Variants in NPAS3 observed in about 807,000 individuals in gnomAD.
The protein encoded by NPAS3 is neuronal PAS domain protein 3.
NPAS3 carries 14 observed loss-of-function variants against 73.1 expected under a neutral mutation model. That is an observed-to-expected ratio of 0.19 (90% CI 0.13 to 0.30). NPAS3 has a LOEUF of 0.30. NPAS3 is among the 10% of genes least tolerant of loss of function. The probability of loss-of-function intolerance (pLI) is 1.00; values close to 1 mark genes in which losing one functional copy is unlikely to be tolerated. For synonymous variants in NPAS3, 620 were observed against 541.5 expected, an observed-to-expected ratio of 1.14 and a Z score of -2.01; for missense variants, 1,096 against 1,250.0, an observed-to-expected ratio of 0.88 and a Z score of 1.86.
At chr14:33,173,286 A>G (rs1228960319) in intron 2 of NPAS3, among the ~76,000 whole-genome samples, 1 of 152,200 alleles carries the variant, frequency 6.6e-6, no homozygotes, top group Non-Finnish European at 1.5e-5. Flanking sequence ...CCCAGATATT[A>G]GAGTTTAAAA....
rs748099263 is a variant in NPAS3, at chr14:33,108,443, C to T, written c.140+52449C>T. On this transcript the variant is annotated intron_variant, in intron 2 of 11. Transcript: ENST00000356141. ...TCTTCACCTCATGATCCGTCTACCT[C>T]GGCCTCCCAAAGTGCTGGGATTACT... Among the ~76,000 whole-genome samples the T allele has an allele frequency of 9.2e-5, 14 of 152,168 alleles. No individual in the cohort carries two copies. In the South Asian group the frequency reaches 1.0e-3, roughly 11 times the overall value.
intron 4 of NPAS3, among the ~76,000 whole-genome samples, chr14:33,407,494 G>T (rs2047718886): frequency 1.3e-5 from 2 of 151,970 alleles, no homozygotes; most frequent in Non-Finnish European, 2.9e-5. Flanking sequence ...CCAATTTTTA[G>T]TATTATATTG....
chr14:33,377,959 C>T (rs1465547964), intron 4 of NPAS3, among the ~76,000 whole-genome samples: 1 of 152,128 alleles, frequency 6.6e-6, no homozygotes. Context: ...CTCAGCATTC[C>T]CACTATGAGT....
chr14:33,223,848 T>A (rs9322922), intron 3 of NPAS3, among the ~76,000 whole-genome samples: 44,251 of 147,510 alleles, frequency 0.3, 7,314 homozygotes, highest in South Asian at 0.45. Context: ...AAAAAAAAAA[T>A]TTTTTTTTGT....
At chr14:33,534,190 T>C (rs1268175497) in intron 4 of NPAS3, among the ~76,000 whole-genome samples, 1 of 148,996 alleles carries the variant, frequency 6.7e-6, no homozygotes, top group Non-Finnish European at 1.5e-5. Flanking sequence ...TTCTGCTATG[T>C]GTGGTACTTA....
rs953669876 is a variant in NPAS3 at position 33,504,960 on chromosome 14, G to A, written c.469-55161G>A. 1.1e-4 allele frequency among the ~76,000 whole-genome samples: 17 copies of A among 152,004 alleles called. 1 individual carries two copies. The highest frequency in any genetic ancestry group is 7.4e-5 in the Non-Finnish European group (5 of 67,948). Reference sequence around the variant, plus strand: ...GAGAGAAAATGCTTCAAATGAATGGGAGAACATATGGAAAGACCGGCCAAT... The same window carrying A: ...GAGAGAAAATGCTTCAAATGAATGGAAGAACATATGGAAAGACCGGCCAAT... On this transcript the variant is annotated intron_variant, in intron 4 of 11. Coordinates refer to ENST00000356141, the Ensembl canonical transcript of NPAS3.
chr14:33,503,717 G>C (rs2052625864), intron 4 of NPAS3, among the ~76,000 whole-genome samples: 2 of 151,818 alleles, frequency 1.3e-5, no homozygotes, highest in Non-Finnish European at 2.9e-5. Flanking sequence ...TGATACTTGG[G>C]GAAAATCCAG....
chr14:33,636,554 C>G (rs574494903), intron 5 of NPAS3, among the ~76,000 whole-genome samples: 1 of 152,320 alleles, frequency 6.6e-6, no homozygotes, highest in African/African-American at 2.4e-5. Context: ...TAGTCACTCA[C>G]TTACGTGGTA....
At chr14:32,938,457 A>AAGAGAGAGAGAGAGAGAG (rs139406191), upstream of NPAS3, among the ~76,000 whole-genome samples, 31 of 68,662 alleles carry the variant, frequency 4.5e-4, no homozygotes, top group African/African-American at 1.8e-3. Context: ...CCCAACGAGA[A>AAGAGAGAGAGAGAGAGAG]AGAGAGAGAG....
chr14:33,524,782 G>A (rs371169857), intron 4 of NPAS3, among the ~76,000 whole-genome samples: 31 of 152,214 alleles, frequency 2.0e-4, no homozygotes, highest in African/African-American at 3.1e-4. Context: ...CCCAGCTTCC[G>A]GTGGTTTGCT....
intron 4 of NPAS3, among the ~76,000 whole-genome samples, chr14:33,393,595 A>G (rs2047099218): frequency 6.6e-6 from 1 of 152,184 alleles, no homozygotes; most frequent in Non-Finnish European, 1.5e-5. Context: ...TACTCATGTA[A>G]CAAACTGAAA....
chr14:33,325,777 C>T (rs2140254068), intron 3 of NPAS3, among the ~76,000 whole-genome samples: 1 of 151,294 alleles, frequency 6.6e-6, no homozygotes, highest in African/African-American at 2.4e-5. Flanking sequence ...ATTTCTGCCC[C>T]CAGCTCCTCA....
chr14:33,204,651 G>A (rs1420086995), intron 2 of NPAS3, among the ~76,000 whole-genome samples: 4 of 152,032 alleles, frequency 2.6e-5, no homozygotes, highest in Non-Finnish European at 2.9e-5. Flanking sequence ...ACCAGCAGCC[G>A]GCAAATGATA....
rs72680168 is a variant in NPAS3, at chr14:33,448,258, T to A, written c.468+80990T>A. Among the ~76,000 whole-genome samples the A allele has an allele frequency of 2.5e-3, 377 of 152,232 alleles. 1 individual carries two copies. Among genetic ancestry groups the A allele is most frequent in the Non-Finnish European group, 4.7e-3 (319 of 68,008 alleles). On this transcript the variant is annotated intron_variant, in intron 4 of 11. Transcript: ENST00000356141. The stretch of plus-strand genomic sequence containing the variant: ...GTAAAAGTCATGCACTTGGATGAGA[T>A]CCTCTAAGAAGAACATATAAAGTTT...
At chr14:33,509,057 C>CTTT (rs35416014) in intron 4 of NPAS3, among the ~76,000 whole-genome samples, 4 of 146,306 alleles carry the variant, frequency 2.7e-5, no homozygotes, top group Non-Finnish European at 4.5e-5. Context: ...TATCCAACTA[C>CTTT]TTTTTTTTTT....
rs551364079 is a variant in NPAS3 at position 32,950,771 on chromosome 14, A to G, written c.50+11405A>G. Among the ~76,000 whole-genome samples the G allele has an allele frequency of 5.3e-5, 8 of 152,244 alleles. No individual in the cohort carries two copies. In the East Asian group the frequency reaches 1.5e-3, roughly 29 times the overall value. ...TAGCCCTTTTTACGATAGTGACACC[A>G]TCCTCTAGCTAATGTGGTTTTGTGT... is the stretch of plus-strand genomic sequence containing the variant. On this transcript the variant is annotated intron_variant, in intron 1 of 11. Transcript: ENST00000356141.
chr14:33,657,339 C>T (rs3905371), intron 5 of NPAS3, among the ~76,000 whole-genome samples: 55,084 of 151,986 alleles, frequency 0.36, 10,680 homozygotes, highest in Non-Finnish European at 0.43. Flanking sequence ...TTTAATCAAA[C>T]CAACAAGCAT....
intron 9 of NPAS3, among the ~76,000 whole-genome samples, chr14:33,792,385 C>T (rs2063383114): frequency 1.3e-5 from 2 of 152,002 alleles, no homozygotes. Context: ...TTACAACGGT[C>T]CCGTTAGTGT....
intron 4 of NPAS3, among the ~76,000 whole-genome samples, chr14:33,519,666 A>G (rs1042684350): frequency 6.6e-6 from 1 of 152,186 alleles, no homozygotes; most frequent in Non-Finnish European, 1.5e-5. Context: ...AGTGAGATGT[A>G]AGGTACTTGA....
Sources: allele counts gnomAD v4.1 joint callset (sites outside exome capture counted in the v4.1 genomes callset), GRCh38; gene constraint gnomAD v4.1.1; transcripts MANE v1.5; gene names NCBI Gene and HGNC (gene_info 2026-07-23, HGNC 2026-07-21).